LHFPL3: variants seen among roughly 807,000 people sequenced by gnomAD.
LHFPL3 encodes LHFPL tetraspan subfamily member 3.
In LHFPL3, 5 loss-of-function variants were observed where a neutral mutation model predicts 19.3. The ratio of observed to expected loss-of-function variants is 0.26; its 90% CI spans 0.14 to 0.54. The LOEUF (loss-of-function observed/expected upper bound fraction) is 0.54. Ranked by LOEUF, LHFPL3 falls within the 20% of genes least tolerant of loss-of-function variation. LHFPL3 has a pLI of 0.94. For synonymous variants in LHFPL3, 133 were observed against 126.2 expected, an observed-to-expected ratio of 1.05 and a Z score of -0.36; for missense variants, 249 against 307.4, an observed-to-expected ratio of 0.81 and a Z score of 1.42.
At chr7:104,581,189 G>A (rs1790453424) in intron 1 of LHFPL3, among the ~76,000 whole-genome samples, 1 of 152,062 alleles carries the variant, frequency 6.6e-6, no homozygotes, top group South Asian at 2.1e-4. Context: ...GCCAAAATTT[G>A]GTATTGTCTA....
chr7:104,352,969 GT>G (rs1790207249), intron 1 of LHFPL3, among the ~76,000 whole-genome samples: 1 of 152,144 alleles, frequency 6.6e-6, no homozygotes, highest in Non-Finnish European at 1.5e-5. Context: ...CATTGGGTTG[GT>G]GCCTGATTTC....
intron 1 of LHFPL3, among the ~76,000 whole-genome samples, chr7:104,699,004 A>AT (rs1793051969): frequency 6.6e-6 from 1 of 152,236 alleles, no homozygotes; most frequent in African/African-American, 2.4e-5. Flanking sequence ...CTTCACATAC[A>AT]GTATAATTGG....
chr7:104,647,245 C>T (rs576774501), intron 1 of LHFPL3, among the ~76,000 whole-genome samples: 2 of 152,242 alleles, frequency 1.3e-5, no homozygotes, highest in African/African-American at 4.8e-5. Context: ...AAGCCTCTCC[C>T]TTTTTTCAGA....
At chr7:104,726,334 A>AT (rs34677235) in intron 1 of LHFPL3, among the ~76,000 whole-genome samples, 84,643 of 148,796 alleles carry the variant, frequency 0.57, 24,030 homozygotes, top group East Asian at 0.83. Flanking sequence ...ACCAAAGACT[A>AT]TTTTTTTTTT....
At chr7:104,670,780 T>C (rs1792462415) in intron 1 of LHFPL3, among the ~76,000 whole-genome samples, 1 of 152,196 alleles carries the variant, frequency 6.6e-6, no homozygotes. Context: ...GATGGGTTTT[T>C]TTCCCCCCAA....
intron 2 of LHFPL3, among the ~76,000 whole-genome samples, chr7:104,838,908 T>G (rs1443461117): frequency 3.9e-5 from 6 of 152,370 alleles, no homozygotes; most frequent in African/African-American, 1.4e-4. Context: ...TTTTTAAAAG[T>G]CACTTTTAAT....
At chr7:104,494,516 T>C (rs745912219) in intron 1 of LHFPL3, among the ~76,000 whole-genome samples, 3 of 152,194 alleles carry the variant, frequency 2.0e-5, no homozygotes, top group Non-Finnish European at 4.4e-5. Context: ...TCATCATCTT[T>C]AATAAAATCT....
intron 1 of LHFPL3, among the ~76,000 whole-genome samples, chr7:104,495,466 C>T (rs1793452155): frequency 6.6e-6 from 1 of 152,230 alleles, no homozygotes. Flanking sequence ...TCACTGCAAG[C>T]TCCACCTTCC....
chr7:104,812,879 C>T (rs1425101496), intron 2 of LHFPL3, among the ~76,000 whole-genome samples: 4 of 138,588 alleles, frequency 2.9e-5, no homozygotes, highest in African/African-American at 8.1e-5. Flanking sequence ...TTTGGGAGGC[C>T]GAGGTGGGCA....
Position 104,821,904 on chromosome 7 carries a change from A to C in LHFPL3, c.683-84283A>C, listed in dbSNP as rs571178213. On this transcript the variant is annotated intron_variant, in intron 2 of 2. Transcript: ENST00000424859. The stretch of plus-strand genomic sequence containing the variant: ...AATCAAAGGTCAGTGAATTTGCCAC[A>C]AGTGTTAGAGAGCTCCCCCAGTTTG... Among the ~76,000 whole-genome samples, 12 of 152,340 alleles carry C rather than the reference A, an allele frequency of 7.9e-5. No individual in the cohort carries two copies. In the South Asian group the frequency reaches 2.5e-3, roughly 32 times the overall value.
intron 1 of LHFPL3, among the ~76,000 whole-genome samples, chr7:104,734,069 T>TGC (rs1793755246): frequency 1.2e-4 from 18 of 152,230 alleles, no homozygotes; most frequent in Non-Finnish European, 2.9e-5. Context: ...TTCTGGCTTG[T>TGC]AGAGTTTCTG....
chr7:104,470,295 T>C (rs1237205333), intron 1 of LHFPL3, among the ~76,000 whole-genome samples: 3 of 152,238 alleles, frequency 2.0e-5, no homozygotes, highest in African/African-American at 7.2e-5. Context: ...ATTCTGAATT[T>C]GAGAAAATGA....
intron 2 of LHFPL3, among the ~76,000 whole-genome samples, chr7:104,885,989 A>C (rs972917943): frequency 6.6e-6 from 1 of 151,974 alleles, no homozygotes; most frequent in African/African-American, 2.4e-5. Flanking sequence ...TTGTTTCCTC[A>C]TTCCTTCAGG....
intron 2 of LHFPL3, among the ~76,000 whole-genome samples, chr7:104,823,180 T>C (rs1013359037): frequency 6.6e-6 from 1 of 152,252 alleles, no homozygotes; most frequent in Admixed American, 6.5e-5. Context: ...TAATAAATAA[T>C]TTCAGATAAA....
intron 1 of LHFPL3, among the ~76,000 whole-genome samples, chr7:104,731,103 C>A (rs1793695228): frequency 6.6e-6 from 1 of 152,134 alleles, no homozygotes; most frequent in South Asian, 2.1e-4. Flanking sequence ...CTATTGGTCT[C>A]TATATCTGTT....
chr7:104,540,219 C>G (rs1340943240), intron 1 of LHFPL3, among the ~76,000 whole-genome samples: 1 of 151,902 alleles, frequency 6.6e-6, no homozygotes, highest in African/African-American at 2.4e-5. Context: ...CCTTACTCAG[C>G]TAAAATCCAT....
intron 1 of LHFPL3, among the ~76,000 whole-genome samples, chr7:104,491,111 A>C (rs1031682680): frequency 6.6e-6 from 1 of 151,928 alleles, no homozygotes; most frequent in African/African-American, 2.4e-5. Context: ...CCTCAGTCCA[A>C]CTATGACTCT....
chr7:104,873,286 C>G (rs1399135565), intron 2 of LHFPL3, among the ~76,000 whole-genome samples: 2 of 152,138 alleles, frequency 1.3e-5, no homozygotes, highest in Non-Finnish European at 2.9e-5. Context: ...GTCTTCAGAT[C>G]ATCTTCCTAA....
chr7:104,511,104 G>T (rs1168526417), intron 1 of LHFPL3, among the ~76,000 whole-genome samples: 1 of 151,962 alleles, frequency 6.6e-6, no homozygotes, highest in Non-Finnish European at 1.5e-5. Context: ...AATATATAAA[G>T]AACTCTCAAA....
Sources: allele counts gnomAD v4.1 joint callset (sites outside exome capture counted in the v4.1 genomes callset), GRCh38; gene constraint gnomAD v4.1.1; transcripts MANE v1.5; gene names NCBI Gene and HGNC (gene_info 2026-07-23, HGNC 2026-07-21).